Variants in SBNO2 observed in about 807,000 individuals in gnomAD.
The protein encoded by SBNO2 is strawberry notch homolog 2, also known as protein strawberry notch homolog 2.
SBNO2 carries 89 observed loss-of-function variants against 146.3 expected under a neutral mutation model. That is an observed-to-expected ratio of 0.61 (90% CI 0.51 to 0.73). SBNO2 has a LOEUF of 0.73. Among genes scored for constraint, SBNO2 ranks in the 30% least tolerant of loss-of-function variants. The pLI is 0.00. For synonymous variants in SBNO2, 1,147 were observed against 892.6 expected (o/e 1.29, Z -5.08); for missense variants, 2,092 against 2,003.7 (o/e 1.04, Z -0.84).
rs1321695499 is a variant in SBNO2, at chr19:1,126,850, G to A, written c.441+754C>T. On this transcript the variant is annotated intron_variant, in intron 5 of 31. Coordinates refer to ENST00000361757, the MANE Select transcript of SBNO2 (RefSeq NM_014963.3). This position sits in a 1 kb window ranked among gnomAD's most constrained non-coding sequence, Gnocchi z 4.4. ...AGGGACTTGCCAGGCCTGGCTCCCA[G>A]CCATGCCTCCCTCACCAGACACCTC... 6.6e-6 allele frequency among the ~76,000 whole-genome samples: 1 copy of A among 152,204 alleles called. No homozygotes were observed. The highest frequency in any genetic ancestry group is 2.4e-5 in the African/African-American group (1 of 41,444).
Position 1,107,943 on chromosome 19 carries a change from T to G in SBNO2, c.*277A>C. On this transcript the variant is annotated 3_prime_UTR_variant, in exon 32 of 32. Transcript: ENST00000361757. Reference sequence around the variant, plus strand: ...TCAAGGGTTTGGGCCCACTGAGCCCTTGTGGGTGCCCAGTCCCAGAGCAGC... The same window carrying G: ...TCAAGGGTTTGGGCCCACTGAGCCCGTGTGGGTGCCCAGTCCCAGAGCAGC... 1 of 256,754 alleles carries G rather than the reference T, an allele frequency of 3.9e-6. No homozygotes were observed. Among genetic ancestry groups the G allele is most frequent in the Non-Finnish European group, 7.5e-6 (1 of 133,664 alleles). The allele number at this position is 256,754 out of a possible 1,614,324, so 15.9% of individuals were successfully genotyped here.
At chr19:1,108,758 G>A (rs2079709960) in intron 31 of SBNO2, 21 bp downstream of exon 31, 2 of 1,595,860 alleles carry the variant, frequency 1.3e-6, no homozygotes, top group South Asian at 1.1e-5. Flanking sequence ...GGCCTTCCCG[G>A]GGCGCCCGCC....
intron 12 of SBNO2, 49 bp from the exon 13 acceptor site, chr19:1,119,670 G>C (rs540978047): frequency 2.7e-6 from 4 of 1,483,434 alleles, no homozygotes; most frequent in African/African-American, 2.8e-5. Flanking sequence ...GGGCCCAGAG[G>C]CCGCGTCAGG....
intron 1 of SBNO2, among the ~76,000 whole-genome samples, chr19:1,154,887 G>A (rs1012421844): frequency 2.0e-5 from 3 of 152,210 alleles, no homozygotes; most frequent in African/African-American, 7.2e-5. Context: ...CCAAGGAGGG[G>A]GGTCAGGGGC....
In SBNO2 at chr19:1,124,075, G is replaced by A. The variant is rs1045886437; in HGVS notation, c.442-53C>T. On this transcript the variant is annotated intron_variant, in intron 5 of 31. Coordinates refer to ENST00000361757, the MANE Select transcript of SBNO2 (RefSeq NM_014963.3). ...GGCCAGACGGGACAGGTCACAGCTG[G>A]TGGGCCCTCGCAGCCTGGCCACCAG... The A allele has an allele frequency of 4.5e-6, 7 of 1,552,092 alleles. No individual in the cohort carries two copies. In the African/African-American group the frequency reaches 6.8e-5, roughly 15 times the overall value.
intron 2 of SBNO2, 79 bp from the exon 3 acceptor site, chr19:1,149,521 G>A: frequency 2.2e-6 from 3 of 1,340,254 alleles, no homozygotes; most frequent in Non-Finnish European, 3.1e-6. Context: ...CGGGCAGGGT[G>A]ACAGGCCGAG....
At chr19:1,155,946 T>C (rs1353681358) in intron 1 of SBNO2, among the ~76,000 whole-genome samples, 1 of 152,198 alleles carries the variant, frequency 6.6e-6, no homozygotes, top group Admixed American at 6.5e-5. Context: ...GCCCCAGAGC[T>C]ACGCTGACCT....
chr19:1,112,836 G>C lies in SBNO2; in HGVS notation c.2361C>G (p.Arg787=). 1 of 1,574,872 alleles carries C rather than the reference G, an allele frequency of 6.3e-7. No homozygotes were observed. The highest frequency in any genetic ancestry group is 1.2e-5 in the South Asian group (1 of 85,814). The change falls in exon 20 of 32, where the codon CGC becomes CGG. Residue 787 remains arginine, a synonymous_variant. Transcript: ENST00000361757. This position sits in a 1 kb window ranked among gnomAD's most constrained non-coding sequence, Gnocchi z 5.9. ...CCCGCACCTTCTCGCCGCTCATGAA[G>C]CGCTGCTTCTCCCTGAGGTTCACGT... The part of the protein sequence containing the change: ...IDHVNLREKQ[R]FMSGEKLVAI...
Position 1,154,239 on chromosome 19 carries a change from G to A in SBNO2, c.38C>T (p.Pro13Leu), listed in dbSNP as rs751457572. ...AVGPAMDRDY[P>L]QHEPPPAGSL... is the part of the protein sequence containing the mutation. Reference sequence around the variant, plus strand: ...GCCCGCCGGCGGGGGTTCATGCTGCGGGTAATCCCTGTCCATGGCGGGCCC... The same window carrying A: ...GCCCGCCGGCGGGGGTTCATGCTGCAGGTAATCCCTGTCCATGGCGGGCCC... Residue 13 changes from proline (P) to leucine (L), a missense_variant, in exon 2 of 32, where the codon CCG (proline) becomes CTG (leucine). Pro to Leu is a moderately conservative substitution (Grantham distance 98, BLOSUM62 -3). Transcript: ENST00000361757. 19 of 1,269,676 alleles carry A rather than the reference G, an allele frequency of 1.5e-5. No homozygotes were observed. Among genetic ancestry groups the A allele is most frequent in the Non-Finnish European group, 1.8e-5 (18 of 1,006,740 alleles). 78.7% of individuals were successfully genotyped at this position (1,269,676 alleles called of 1,614,324 possible).
At position 1,149,377 on chromosome 19, in the gene SBNO2, G is replaced by T; in HGVS notation, c.159C>A (p.Ser53Arg). 6.4e-7 allele frequency: 1 copy of T among 1,552,200 alleles called. No homozygotes were observed. The highest frequency in any genetic ancestry group is 8.7e-7 in the Non-Finnish European group (1 of 1,148,014). The change falls in exon 3 of 32, where the codon AGC becomes AGA. Residue 53 changes from serine to arginine, a missense_variant. Transcript: ENST00000361757. ...AGGGTCCCGGTACTCACCGGCTGTC[G>T]CTGGAGAAGGCAGGGTATGGCGGCA... ...FSLPPYPAFSSDSRPFMSSAS... is the reference protein window; with the variant it reads ...FSLPPYPAFSRDSRPFMSSAS...
At position 1,158,137 on chromosome 19, in the gene SBNO2, C is replaced by G. The variant is rs931981835; in HGVS notation, c.-126-3735G>C. 6.6e-6 allele frequency among the ~76,000 whole-genome samples: 1 copy of G among 152,220 alleles called. No individual in the cohort carries two copies. On this transcript the variant is annotated intron_variant, in intron 1 of 31. Coordinates refer to ENST00000361757, the MANE Select transcript of SBNO2 (RefSeq NM_014963.3). This position sits in a 1 kb window ranked among gnomAD's most constrained non-coding sequence, Gnocchi z 9.9. ...TGGCTGGACGCCCCAGGGTCTCACC[C>G]CACGCTGTGCAGCAACAGCTCAGCC...
At chr19:1,148,089 T>G (rs1487113540) in intron 3 of SBNO2, among the ~76,000 whole-genome samples, 1 of 151,928 alleles carries the variant, frequency 6.6e-6, no homozygotes, top group African/African-American at 2.4e-5. Context: ...AGGGCCTCCT[T>G]CCCTCCCGCC....
chr19:1,131,077 C>G (rs771653500), intron 4 of SBNO2, among the ~76,000 whole-genome samples: 12 of 152,204 alleles, frequency 7.9e-5, no homozygotes, highest in Admixed American at 2.6e-4. Context: ...CTGCCCACAT[C>G]TGGATTTGAC....
chr19:1,124,599 G>A (rs28697188), intron 5 of SBNO2, among the ~76,000 whole-genome samples: 9,522 of 152,278 alleles, frequency 0.063, 1,001 homozygotes, highest in African/African-American at 0.22. Flanking sequence ...AACCCCCGTG[G>A]GTGCAGTCCC....
intron 4 of SBNO2, among the ~76,000 whole-genome samples, chr19:1,133,267 T>G (rs2080051852): frequency 6.6e-6 from 1 of 151,298 alleles, no homozygotes; most frequent in Non-Finnish European, 1.5e-5. Flanking sequence ...TCCTCCTCTG[T>G]GAGGGGAGGA....
At chr19:1,163,196 T>C (rs2080366384) in intron 1 of SBNO2, among the ~76,000 whole-genome samples, 1 of 152,192 alleles carries the variant, frequency 6.6e-6, no homozygotes, top group Non-Finnish European at 1.5e-5. Context: ...TTGGTTACAA[T>C]GAGGATGCTG....
At position 1,108,660 on chromosome 19, in the gene SBNO2, G is replaced by A. The variant is rs2145179997; in HGVS notation, c.3661C>T (p.Leu1221=). The change falls in exon 32 of 32, where the codon CTG becomes TTG. Residue 1221 remains leucine, a synonymous_variant. Transcript: ENST00000361757. ...EGCVRRVLQE[L]RLMDADVKRR... ...TTCACGTCCGCATCCATCAGCCGCA[G>A]CTCCTGCAGCACCCGGCGCACGCAG... The A allele has an allele frequency of 2.0e-6, 3 of 1,522,924 alleles. No individual in the cohort carries two copies. The highest frequency in any genetic ancestry group is 2.6e-6 in the Non-Finnish European group (3 of 1,143,116). 94.3% of individuals were successfully genotyped at this position (1,522,924 alleles called of 1,614,324 possible).
intron 1 of SBNO2, among the ~76,000 whole-genome samples, chr19:1,160,132 C>T (rs1283815037): frequency 1.3e-5 from 2 of 152,194 alleles, no homozygotes; most frequent in Non-Finnish European, 2.9e-5. Flanking sequence ...GCAGCTTGCG[C>T]CTGGCACCTG....
chr19:1,142,250 C>G (rs2080147691), intron 4 of SBNO2, among the ~76,000 whole-genome samples: 4 of 136,744 alleles, frequency 2.9e-5, no homozygotes, highest in African/African-American at 1.1e-4. Flanking sequence ...CACGATCAAC[C>G]CTCCCCTCAA....
Sources: gnomAD v4.1 joint callset for allele counts (sites outside exome capture counted in the v4.1 genomes callset) on GRCh38, gnomAD v4.1.1 for gene constraint, Gnocchi (gnomAD v3.1) non-coding constraint, MANE v1.5 for transcripts, NCBI Gene and HGNC (gene_info 2026-07-23, HGNC 2026-07-21) for gene names.